SORCS3: variants seen among roughly 807,000 people sequenced by gnomAD.
The protein encoded by SORCS3 is sortilin related VPS10 domain containing receptor 3, also known as VPS10 domain-containing receptor SorCS3.
Under a neutral mutation model 146.3 loss-of-function variants are expected in SORCS3, and 57 were observed. That is an observed-to-expected ratio of 0.39 (90% CI 0.31 to 0.49). SORCS3 has a LOEUF of 0.49. Among genes scored for constraint, SORCS3 ranks in the 20% least tolerant of loss-of-function variants. SORCS3 has a pLI of 0.92. For missense variants in SORCS3, 1,341 were observed against 1,575.5 expected, an observed-to-expected ratio of 0.85 and a Z score of 2.52; for synonymous variants, 653 against 618.5, an observed-to-expected ratio of 1.06 and a Z score of -0.83.
chr10:105,097,219 C>G (rs1247011548), intron 6 of SORCS3, among the ~76,000 whole-genome samples: 1 of 152,188 alleles, frequency 6.6e-6, no homozygotes, highest in Non-Finnish European at 1.5e-5. Flanking sequence ...CCTAGTCTCC[C>G]TCTATAGGAG....
At chr10:105,164,245 C>G (rs940950715) in intron 11 of SORCS3, 58 bp from the exon 12 acceptor site, 19 of 1,335,200 alleles carry the variant, frequency 1.4e-5, no homozygotes, top group Non-Finnish European at 1.9e-5. Flanking sequence ...TCCCTCAGCC[C>G]TAAGCACACT....
At chr10:105,074,378 T>C (rs183640377) in intron 5 of SORCS3, among the ~76,000 whole-genome samples, 79 of 152,336 alleles carry the variant, frequency 5.2e-4, no homozygotes, top group African/African-American at 1.8e-3. Flanking sequence ...TGATCATTTG[T>C]TCAACAATAT....
chr10:105,125,840 G>A (rs904835401), intron 7 of SORCS3, among the ~76,000 whole-genome samples: 6 of 152,122 alleles, frequency 3.9e-5, no homozygotes, highest in African/African-American at 1.4e-4. Context: ...TGTGTCAGCA[G>A]ATGTTGGACC....
intron 4 of SORCS3, 109 bp from the exon 5 acceptor site, chr10:105,042,946 A>C (rs970883754): frequency 8.4e-6 from 7 of 834,812 alleles, no homozygotes; most frequent in African/African-American, 5.1e-5. Flanking sequence ...ATAAATGCCT[A>C]CTTGGGTGTG....
chr10:104,947,303 G>A (rs930349687), intron 3 of SORCS3, among the ~76,000 whole-genome samples: 1 of 152,022 alleles, frequency 6.6e-6, no homozygotes, highest in African/African-American at 2.4e-5. Flanking sequence ...TAGTTTTTGC[G>A]GATTGAGGGG....
chr10:104,788,392 T>C (rs2017461511), intron 1 of SORCS3, among the ~76,000 whole-genome samples: 1 of 152,160 alleles, frequency 6.6e-6, no homozygotes, highest in Non-Finnish European at 1.5e-5. Flanking sequence ...AGGACTGATC[T>C]CCATCAGTCC....
At chr10:105,108,225 T>C (rs1469693500) in intron 7 of SORCS3, among the ~76,000 whole-genome samples, 1 of 152,136 alleles carries the variant, frequency 6.6e-6, no homozygotes, top group Non-Finnish European at 1.5e-5. Flanking sequence ...GAGAGGAGCG[T>C]GGAGCCAGGT....
intron 13 of SORCS3, among the ~76,000 whole-genome samples, chr10:105,170,567 A>T (rs775147864): frequency 1.3e-5 from 2 of 152,192 alleles, no homozygotes; most frequent in African/African-American, 2.4e-5. Context: ...CATTTATAGG[A>T]TGTTGATACT....
intron 1 of SORCS3, among the ~76,000 whole-genome samples, chr10:104,774,585 C>A (rs970053): frequency 6.6e-6 from 1 of 151,706 alleles, no homozygotes; most frequent in Non-Finnish European, 1.5e-5. Context: ...GTGGCCATGA[C>A]TCCCAATTAC....
At chr10:105,162,010 C>T (rs1435276195) in intron 11 of SORCS3, among the ~76,000 whole-genome samples, 2 of 152,058 alleles carry the variant, frequency 1.3e-5, no homozygotes, top group Non-Finnish European at 2.9e-5. Flanking sequence ...CGCCCCTGCC[C>T]CTGCAGGGGC....
At chr10:104,931,683 G>T (rs1255076175) in intron 3 of SORCS3, among the ~76,000 whole-genome samples, 2 of 152,214 alleles carry the variant, frequency 1.3e-5, no homozygotes, top group African/African-American at 2.4e-5. Context: ...TTAGGTGATA[G>T]ACTGTAAGAC....
intron 4 of SORCS3, among the ~76,000 whole-genome samples, chr10:105,038,643 A>G (rs1328266623): frequency 6.6e-6 from 1 of 152,202 alleles, no homozygotes; most frequent in Non-Finnish European, 1.5e-5. Flanking sequence ...TCAAAAATAT[A>G]TAAATTACCC....
intron 1 of SORCS3, among the ~76,000 whole-genome samples, chr10:104,832,025 T>C (rs1438076947): frequency 6.6e-6 from 1 of 152,232 alleles, no homozygotes. Context: ...TGATAGGCCA[T>C]GTCTTTTTCA....
At chr10:104,823,123 C>G (rs2017893947) in intron 1 of SORCS3, among the ~76,000 whole-genome samples, 1 of 152,108 alleles carries the variant, frequency 6.6e-6, no homozygotes, top group African/African-American at 2.4e-5. Context: ...CAGGCAGTAA[C>G]AAACATGCCT....
intron 1 of SORCS3, among the ~76,000 whole-genome samples, chr10:104,706,352 G>A (rs2133435193): frequency 6.6e-6 from 1 of 151,638 alleles, no homozygotes; most frequent in East Asian, 1.9e-4. Flanking sequence ...GGGACTACAG[G>A]CGTGCACCAC....
chr10:105,088,694 A>G (rs1384024209), intron 5 of SORCS3, among the ~76,000 whole-genome samples: 1 of 152,156 alleles, frequency 6.6e-6, no homozygotes, highest in African/African-American at 2.4e-5. Flanking sequence ...TGTTACAGTA[A>G]TGCCCCCAGG....
At chr10:105,082,744 A>G (rs190027302) in intron 5 of SORCS3, among the ~76,000 whole-genome samples, 2 of 152,090 alleles carry the variant, frequency 1.3e-5, no homozygotes, top group East Asian at 3.9e-4. Flanking sequence ...TTATTTATTT[A>G]TTTTTAGACA....
intron 17 of SORCS3, among the ~76,000 whole-genome samples, chr10:105,213,813 G>A (rs1297857881): frequency 1.3e-5 from 2 of 152,076 alleles, no homozygotes; most frequent in Non-Finnish European, 2.9e-5. Flanking sequence ...TTTCAAATCT[G>A]TGCTTCTAAT....
rs940802202 is a variant in SORCS3 at position 105,255,890 on chromosome 10, T to A, written c.3337+89T>A. 8 of 1,073,418 alleles carry A rather than the reference T, an allele frequency of 7.5e-6. No individual in the cohort carries two copies. The Admixed American group carries it at 1.3e-4, about 17-fold the overall frequency. 66.5% of individuals were successfully genotyped at this position (1,073,418 alleles called of 1,614,324 possible). ...GAGAGAATCATGAAACCCTGCTGCA[T>A]AATGTCTGAAAGTGGCTTTGTAGAA... is the stretch of plus-strand genomic sequence containing the variant. On this transcript the variant is annotated intron_variant, in intron 24 of 26. Transcript: ENST00000369701.
Sources: gnomAD v4.1 joint callset for allele counts (sites outside exome capture counted in the v4.1 genomes callset) on GRCh38, gnomAD v4.1.1 for gene constraint, MANE v1.5 for transcripts, NCBI Gene and HGNC (gene_info 2026-07-23, HGNC 2026-07-21) for gene names.